The following TECR variants were observed in gnomAD, a reference collection of about 807,000 sequenced individuals.
The protein encoded by TECR is trans-2,3-enoyl-CoA reductase, also known as very-long-chain enoyl-CoA reductase.
Under a neutral mutation model 50.6 loss-of-function variants are expected in TECR, and 19 were observed. The ratio of observed to expected loss-of-function variants is 0.38; its 90% CI spans 0.26 to 0.55. The LOEUF is 0.55. Among genes scored for constraint, TECR ranks in the 20% least tolerant of loss-of-function variants. TECR has a pLI of 0.79. For synonymous variants in TECR, 168 were observed against 163.5 expected, an observed-to-expected ratio of 1.03 and a Z score of -0.21; for missense variants, 313 against 408.3, an observed-to-expected ratio of 0.77 and a Z score of 2.01.
rs754263988 is a variant in TECR, at chr19:14,562,585, G to C, written c.66+10G>C. The C allele has an allele frequency of 6.2e-7, 1 of 1,614,182 alleles. No homozygotes were observed. Among genetic ancestry groups the C allele is most frequent in the Non-Finnish European group, 8.5e-7 (1 of 1,180,028 alleles). ...GTGTTTCTTGGACAAGGTAGGACTG[G>C]GGCGTGGGCTGCACTGGGCCAAGGG... is the stretch of plus-strand genomic sequence containing the variant. On this transcript the variant is annotated intron_variant, in intron 2 of 12. Coordinates refer to ENST00000215567, the MANE Select transcript of TECR (RefSeq NM_138501.6).
intron 1 of TECR, chr19:14,530,940 C>T (rs953368032): frequency 1.3e-5 from 2 of 152,188 alleles, no homozygotes; most frequent in Admixed American, 6.6e-5. Flanking sequence ...ACTCCCCATT[C>T]CTCTCCACCT....
intron 1 of TECR, among the ~76,000 whole-genome samples, chr19:14,534,226 G>A (rs571807713): frequency 6.6e-5 from 10 of 151,424 alleles, no homozygotes; most frequent in African/African-American, 2.2e-4. Flanking sequence ...CCGGGTTCAC[G>A]CCATTCTCCT....
At chr19:14,547,713 C>T (rs974244581) in intron 1 of TECR, among the ~76,000 whole-genome samples, 59 of 149,702 alleles carry the variant, frequency 3.9e-4, no homozygotes, top group African/African-American at 1.4e-3. Context: ...GGTTGGAGTG[C>T]AATGGTGCTA....
In TECR at chr19:14,554,003, C is replaced by T. The variant is rs756934761; in HGVS notation, c.16-8522C>T. The stretch of plus-strand genomic sequence containing the variant: ...AGGAAGTGCAGTCCCCTGCGGGGTC[C>T]GAGAGAGCCTGCCGGAGCTTTGAGC... On this transcript the variant is annotated intron_variant, in intron 1 of 12. Transcript: ENST00000215567. Among the ~76,000 whole-genome samples, 10 of 152,162 alleles carry T rather than the reference C, an allele frequency of 6.6e-5. 1 individual carries two copies. Among genetic ancestry groups the T allele is most frequent in the South Asian group, 6.3e-4 (3 of 4,790 alleles).
intron 1 of TECR, among the ~76,000 whole-genome samples, chr19:14,536,295 A>C (rs1223116743): frequency 2.1e-5 from 3 of 146,252 alleles, no homozygotes; most frequent in Admixed American, 1.4e-4. Flanking sequence ...CGTGAGACAG[A>C]GTCCCCCTCT....
chr19:14,557,534 C>T (rs1444246715), intron 1 of TECR, among the ~76,000 whole-genome samples: 2 of 147,804 alleles, frequency 1.4e-5, no homozygotes, highest in African/African-American at 5.0e-5. Flanking sequence ...TCACTGCAAC[C>T]TCCTCCTCCT....
intron 1 of TECR, among the ~76,000 whole-genome samples, chr19:14,539,792 C>G (rs1288049681): frequency 6.6e-6 from 1 of 152,134 alleles, no homozygotes; most frequent in African/African-American, 2.4e-5. Flanking sequence ...CCTTGGCCAT[C>G]CAATCTAAAG....
At chr19:14,551,311 G>A (rs568418782) in intron 1 of TECR, among the ~76,000 whole-genome samples, 142 of 150,736 alleles carry the variant, frequency 9.4e-4, no homozygotes, top group Middle Eastern at 7.2e-3. Context: ...CTGACCTCAG[G>A]TGATCCACCC....
At chr19:14,540,510 G>A (rs1164985610) in intron 1 of TECR, among the ~76,000 whole-genome samples, 1 of 152,088 alleles carries the variant, frequency 6.6e-6, no homozygotes, top group East Asian at 1.9e-4. Flanking sequence ...TCCTGCCTCA[G>A]CCTCCCGAGT....
At chr19:14,554,989 G>C (rs1029370621) in intron 1 of TECR, among the ~76,000 whole-genome samples, 5 of 151,754 alleles carry the variant, frequency 3.3e-5, no homozygotes, top group Non-Finnish European at 5.9e-5. Context: ...ATGTTAGCCT[G>C]GCTGGTCTTG....
chr19:14,544,801 T>C (rs544486102), intron 1 of TECR, among the ~76,000 whole-genome samples: 3 of 152,140 alleles, frequency 2.0e-5, no homozygotes, highest in South Asian at 2.1e-4. Context: ...CCCGGCTAAT[T>C]TGAAAATTTT....
chr19:14,544,299 C>G (rs1025317374), intron 1 of TECR, among the ~76,000 whole-genome samples: 22 of 152,074 alleles, frequency 1.4e-4, no homozygotes, highest in Non-Finnish European at 7.4e-5. Context: ...GTGTAAGCCC[C>G]TGGCTCTCCC....
At chr19:14,559,245 G>T (rs950295126) in intron 1 of TECR, among the ~76,000 whole-genome samples, 1 of 152,076 alleles carries the variant, frequency 6.6e-6, no homozygotes, top group Non-Finnish European at 1.5e-5. Flanking sequence ...TTGAGTGCAC[G>T]TGCATCATTG....
chr19:14,548,798 C>T (rs886957534), intron 1 of TECR, among the ~76,000 whole-genome samples: 5 of 151,926 alleles, frequency 3.3e-5, no homozygotes. Context: ...TGGTCTCAAA[C>T]TCCTGATTTC....
chr19:14,565,536 G>A (rs1366674040), intron 11 of TECR, 82 bp from the exon 12 acceptor site: 3 of 1,549,604 alleles, frequency 1.9e-6, no homozygotes, highest in Non-Finnish European at 2.6e-6. Flanking sequence ...CAGGGGCGGC[G>A]GGAGGTGGCT....
Position 14,554,265 on chromosome 19 carries a change from G to A in TECR, c.16-8260G>A, listed in dbSNP as rs148604691. 2.7e-3 allele frequency among the ~76,000 whole-genome samples: 410 copies of A among 152,294 alleles called. 1 individual carries two copies. Among genetic ancestry groups the A allele is most frequent in the African/African-American group, 9.2e-3 (382 of 41,582 alleles). ...GCAGTTCCAGCCCCGGGCAGGGAAC[G>A]TGAAATAACTGTTGGTCGCTGTTCT... On this transcript the variant is annotated intron_variant, in intron 1 of 12. Transcript: ENST00000215567.
At chr19:14,532,425 A>G (rs1305743047) in intron 1 of TECR, 1 of 150,802 alleles carries the variant, frequency 6.6e-6, no homozygotes, top group Non-Finnish European at 1.5e-5. Flanking sequence ...ACACGCCTGT[A>G]ATCTCAGCTA....
Position 14,563,040 on chromosome 19 carries a change from G to C in TECR, c.67-166G>C, listed in dbSNP as rs2073948419. The C allele has an allele frequency of 5.1e-6, 4 of 787,804 alleles. No individual in the cohort carries two copies. The highest frequency in any genetic ancestry group is 8.2e-6 in the Non-Finnish European group (4 of 487,326). 48.8% of individuals were successfully genotyped at this position (787,804 alleles called of 1,614,324 possible). On this transcript the variant is annotated intron_variant, in intron 2 of 12. Transcript: ENST00000215567. This position sits in a 1 kb window ranked among gnomAD's most constrained non-coding sequence, Gnocchi z 5.3. ...CCCCTGCTGTCACTGCACTGGCAGG[G>C]CCCTCGGTGGTCCTTCCCTGACTGC...
At chr19:14,536,175 T>C (rs928907736) in intron 1 of TECR, among the ~76,000 whole-genome samples, 40 of 152,180 alleles carry the variant, frequency 2.6e-4, no homozygotes, top group Admixed American at 2.6e-3. Flanking sequence ...GTGGCAATGC[T>C]TACGGGCTTT....
Sources: allele counts gnomAD v4.1 joint callset (sites outside exome capture counted in the v4.1 genomes callset), GRCh38; gene constraint gnomAD v4.1.1; non-coding constraint Gnocchi (gnomAD v3.1); transcripts MANE v1.5; gene names NCBI Gene and HGNC (gene_info 2026-07-23, HGNC 2026-07-21).